The following OPCML variants were observed in gnomAD, a reference collection of about 807,000 sequenced individuals.
OPCML encodes the protein opioid-binding protein/cell adhesion molecule.
A neutral mutation model predicts 37.8 loss-of-function variants in OPCML; 13 were observed. That is an observed-to-expected ratio of 0.34 (90% CI 0.22 to 0.55). The LOEUF (loss-of-function observed/expected upper bound fraction) is 0.55, where lower values mean the gene tolerates loss of function less well. Ranked by LOEUF, OPCML falls within the 20% of genes least tolerant of loss-of-function variation. The pLI is 0.91. For synonymous variants in OPCML, 176 were observed against 168.8 expected, an observed-to-expected ratio of 1.04 and a Z score of -0.33; for missense variants, 341 against 435.6, an observed-to-expected ratio of 0.78 and a Z score of 1.93.
chr11:132,525,343 C>T (rs2096305253), intron 4 of OPCML, among the ~76,000 whole-genome samples: 1 of 152,142 alleles, frequency 6.6e-6, no homozygotes, highest in South Asian at 2.1e-4. Context: ...TTAATAACTG[C>T]TCATTAAAAT....
chr11:132,969,178 A>G (rs552165162), intron 1 of OPCML, among the ~76,000 whole-genome samples: 103 of 150,362 alleles, frequency 6.9e-4, no homozygotes, highest in African/African-American at 2.3e-3. Context: ...TCATTTTTTA[A>G]CGTTAGTTTT....
chr11:133,102,082 T>A (rs952383630), intron 1 of OPCML, among the ~76,000 whole-genome samples: 2 of 152,196 alleles, frequency 1.3e-5, no homozygotes, highest in East Asian at 1.9e-4. Context: ...AATAGGTAGG[T>A]TTTTAGGGCA....
chr11:133,309,413 T>C (rs771300223), intron 1 of OPCML, among the ~76,000 whole-genome samples: 1 of 152,132 alleles, frequency 6.6e-6, no homozygotes, highest in Non-Finnish European at 1.5e-5. Context: ...TACAAAGCAA[T>C]GAACCAGTAC....
Position 133,233,886 on chromosome 11 carries a change from T to C in OPCML, c.62-290876A>G, listed in dbSNP as rs1480692073. 2.0e-5 allele frequency among the ~76,000 whole-genome samples: 3 copies of C among 152,292 alleles called. No homozygotes were observed. In the Middle Eastern group the frequency reaches 0.01, roughly 518 times the overall value. ...CCACAGATGAGAACTAGAAGGTCCA[T>C]GGAGCATCCCCCACCCCCTGCCCAG... On this transcript the variant is annotated intron_variant, in intron 1 of 7. Coordinates refer to ENST00000524381, the MANE Select transcript of OPCML (RefSeq NM_001012393.5).
chr11:132,564,581 A>G (rs2096418032), intron 3 of OPCML, among the ~76,000 whole-genome samples: 1 of 152,194 alleles, frequency 6.6e-6, no homozygotes. Flanking sequence ...AAGTAATCCT[A>G]CTGTACCTCC....
chr11:133,107,198 C>T (rs985531886), intron 1 of OPCML, among the ~76,000 whole-genome samples: 1 of 152,138 alleles, frequency 6.6e-6, no homozygotes, highest in Admixed American at 6.5e-5. Flanking sequence ...GAACACGTGG[C>T]TCTATATTTA....
intron 1 of OPCML, among the ~76,000 whole-genome samples, chr11:133,311,051 A>AAG (rs1302133166): frequency 6.6e-6 from 1 of 152,202 alleles, no homozygotes; most frequent in Non-Finnish European, 1.5e-5. Context: ...AGGTATTACA[A>AAG]AGCTCCAACT....
At chr11:132,750,828 C>T (rs1294152744) in intron 2 of OPCML, among the ~76,000 whole-genome samples, 5 of 149,396 alleles carry the variant, frequency 3.3e-5, no homozygotes, top group African/African-American at 1.0e-4. Context: ...CTCACTCTGT[C>T]GCCCAGGCTG....
chr11:133,503,110 C>T (rs865888000), intron 1 of OPCML, among the ~76,000 whole-genome samples: 4 of 152,130 alleles, frequency 2.6e-5, no homozygotes, highest in Admixed American at 1.3e-4. Flanking sequence ...TTCTAAGCTC[C>T]GTGATGGTTT....
chr11:133,329,287 C>T (rs1943560759), intron 1 of OPCML, among the ~76,000 whole-genome samples: 1 of 152,098 alleles, frequency 6.6e-6, no homozygotes, highest in African/African-American at 2.4e-5. Flanking sequence ...CAATGCCATC[C>T]CCATCAAGCT....
In OPCML at chr11:132,943,446, A is replaced by G; in HGVS notation, c.62-436T>C. The G allele has an allele frequency of 2.1e-5, 7 of 334,122 alleles. No individual in the cohort carries two copies. The South Asian group carries it at 3.0e-4, about 15-fold the overall frequency. The allele number at this position is 334,122 out of a possible 1,614,324, so 20.7% of individuals were successfully genotyped here. ...TCTCTGCCTCTCTCTTCGAGACGCTACTTTAAGATTCAGTTGGGCACGTTC... is the reference window on the plus strand; with the variant it reads ...TCTCTGCCTCTCTCTTCGAGACGCTGCTTTAAGATTCAGTTGGGCACGTTC... On this transcript the variant is annotated intron_variant, in intron 1 of 7. Coordinates refer to ENST00000524381, the MANE Select transcript of OPCML (RefSeq NM_001012393.5). This position sits in a 1 kb window ranked among gnomAD's most constrained non-coding sequence, Gnocchi z 4.3.
At chr11:133,033,383 C>T (rs533160522) in intron 1 of OPCML, among the ~76,000 whole-genome samples, 1 of 152,322 alleles carries the variant, frequency 6.6e-6, no homozygotes, top group Admixed American at 6.5e-5. Context: ...AAAGTAGGCT[C>T]ATTTAGGACT....
intron 4 of OPCML, among the ~76,000 whole-genome samples, chr11:132,497,847 GC>G (rs918561860): frequency 3.7e-4 from 56 of 152,236 alleles, no homozygotes; most frequent in African/African-American, 1.3e-3. Context: ...AAACCACAAT[GC>G]TATATGAAAA....
chr11:132,923,250 A>C (rs11223278), intron 2 of OPCML, among the ~76,000 whole-genome samples: 72,685 of 151,746 alleles, frequency 0.48, 19,187 homozygotes, highest in African/African-American at 0.71. Flanking sequence ...ATTTTTTTCC[A>C]AAAAATAGTG....
At chr11:132,847,537 T>C (rs1047638582) in intron 2 of OPCML, among the ~76,000 whole-genome samples, 11 of 152,190 alleles carry the variant, frequency 7.2e-5, no homozygotes, top group Non-Finnish European at 1.3e-4. Context: ...TTCTTCTCTA[T>C]GCATCAATTG....
At chr11:132,861,558 T>C (rs573372419) in intron 2 of OPCML, among the ~76,000 whole-genome samples, 1 of 152,312 alleles carries the variant, frequency 6.6e-6, no homozygotes, top group South Asian at 2.1e-4. Flanking sequence ...CTTTTTTGGC[T>C]GGGCGCGGTG....
chr11:133,343,669 T>C (rs1330769752), intron 1 of OPCML, among the ~76,000 whole-genome samples: 1 of 152,212 alleles, frequency 6.6e-6, no homozygotes, highest in African/African-American at 2.4e-5. Flanking sequence ...ATTCCATTAA[T>C]TTCTTTTCAG....
intron 2 of OPCML, among the ~76,000 whole-genome samples, chr11:132,781,601 T>TACACAC (rs139359164): frequency 2.9e-4 from 42 of 146,388 alleles, no homozygotes; most frequent in Admixed American, 8.2e-4. Context: ...CACATATACA[T>TACACAC]ACACACACAC....
intron 1 of OPCML, among the ~76,000 whole-genome samples, chr11:133,443,431 G>C (rs1946404741): frequency 6.6e-6 from 1 of 152,226 alleles, no homozygotes; most frequent in African/African-American, 2.4e-5. Context: ...TGATCCTGAA[G>C]TGATTCCACC....
Sources: allele counts gnomAD v4.1 joint callset (sites outside exome capture counted in the v4.1 genomes callset), GRCh38; gene constraint gnomAD v4.1.1; non-coding constraint Gnocchi (gnomAD v3.1); transcripts MANE v1.5; gene names NCBI Gene and HGNC (gene_info 2026-07-23, HGNC 2026-07-21).